The following TP63 variants were observed in gnomAD, a reference collection of about 807,000 sequenced individuals.
The protein encoded by TP63 is tumor protein 63.
TP63 carries 17 observed loss-of-function variants against 82.8 expected under a neutral mutation model. The ratio of observed to expected loss-of-function variants is 0.21; its 90% CI spans 0.14 to 0.31. TP63 has a LOEUF of 0.31. Ranked by LOEUF, TP63 falls within the 10% of genes least tolerant of loss-of-function variation. The pLI, the probability that TP63 is intolerant of heterozygous loss-of-function variation, is 1.00. For synonymous variants in TP63, 330 were observed against 321.7 expected (o/e 1.03, Z -0.28); for missense variants, 648 against 895.3 (o/e 0.72, Z 3.52).
intron 1 of TP63, among the ~76,000 whole-genome samples, chr3:189,649,982 C>A (rs1469360407): frequency 6.8e-6 from 1 of 146,256 alleles, no homozygotes; most frequent in Non-Finnish European, 1.5e-5. Flanking sequence ...ATGTATAGAC[C>A]AAGTTTAGGG....
intron 3 of TP63, among the ~76,000 whole-genome samples, chr3:189,742,929 T>C (rs1721105785): frequency 6.6e-6 from 1 of 152,256 alleles, no homozygotes. Context: ...TGAGTCAAAT[T>C]GATCAAAACA....
At chr3:189,890,644 GC>G (rs1320562861) in intron 12 of TP63, 144 bp from the exon 13 acceptor site, 2 of 695,658 alleles carry the variant, frequency 2.9e-6, no homozygotes, top group Non-Finnish European at 5.1e-6. Flanking sequence ...CAGACTTAAG[GC>G]CCACATATAT....
chr3:189,786,434 CA>C, intron 3 of TP63, among the ~76,000 whole-genome samples: 1 of 136,696 alleles, frequency 7.3e-6, no homozygotes, highest in East Asian at 2.1e-4. Flanking sequence ...TTTGAAAGAC[CA>C]GACATACCTA....
At chr3:189,724,033 CATT>C (rs1719590483) in intron 1 of TP63, among the ~76,000 whole-genome samples, 6 of 92,088 alleles carry the variant, frequency 6.5e-5, no homozygotes, top group South Asian at 3.3e-4. Context: ...TTTTTTGTCT[CATT>C]GTTGCAAATA....
intron 1 of TP63, among the ~76,000 whole-genome samples, chr3:189,654,927 G>A (rs183128582): frequency 1.9e-3 from 296 of 152,238 alleles, no homozygotes; most frequent in Non-Finnish European, 3.8e-3. Flanking sequence ...CAAATTTTAG[G>A]TTTTGCATTC....
chr3:189,779,593 G>A (rs967439640), intron 3 of TP63, among the ~76,000 whole-genome samples: 2 of 152,202 alleles, frequency 1.3e-5, no homozygotes, highest in African/African-American at 4.8e-5. Flanking sequence ...CCTGCACAAT[G>A]TTCAGGCATG....
intron 1 of TP63, among the ~76,000 whole-genome samples, chr3:189,712,364 C>A (rs534733600): frequency 6.6e-6 from 1 of 152,220 alleles, no homozygotes; most frequent in South Asian, 2.1e-4. Flanking sequence ...AAGTCTTAGT[C>A]CACTAGGAGT....
intron 3 of TP63, among the ~76,000 whole-genome samples, chr3:189,785,342 A>C (rs1405566457): frequency 1.3e-5 from 2 of 152,070 alleles, no homozygotes; most frequent in Non-Finnish European, 2.9e-5. Flanking sequence ...ATACTCACCG[A>C]GCTTTTGGAG....
At chr3:189,803,450 C>T (rs555624423) in intron 3 of TP63, among the ~76,000 whole-genome samples, 79 of 152,216 alleles carry the variant, frequency 5.2e-4, no homozygotes, top group African/African-American at 1.7e-3. Flanking sequence ...AAAATAATTA[C>T]GTCATCAACT....
At chr3:189,621,416 C>T in the TP63 span, among the ~76,000 whole-genome samples, 1 of 151,842 alleles carries the variant, frequency 6.6e-6, no homozygotes. Context: ...ATAAACTTGA[C>T]CAATAAATAT....
chr3:189,615,280 G>T, the TP63 span, among the ~76,000 whole-genome samples: 6 of 152,086 alleles, frequency 3.9e-5, no homozygotes, highest in African/African-American at 1.2e-4. Context: ...CTACCTGACT[G>T]CAGGAATGTG....
intron 1 of TP63, among the ~76,000 whole-genome samples, chr3:189,720,950 G>T (rs1216091652): frequency 2.0e-5 from 3 of 152,274 alleles, no homozygotes; most frequent in South Asian, 2.1e-4. Flanking sequence ...AGCTGGAGGG[G>T]TGAGGCCAGA....
intron 3 of TP63, among the ~76,000 whole-genome samples, chr3:189,771,506 TA>T (rs1333832473): frequency 1.8e-4 from 21 of 119,392 alleles, no homozygotes; most frequent in Non-Finnish European, 3.3e-4. Flanking sequence ...ATAAATATAT[TA>T]AATATATAAT....
chr3:189,700,382 G>A (rs1005161128), intron 1 of TP63, among the ~76,000 whole-genome samples: 2 of 152,156 alleles, frequency 1.3e-5, no homozygotes, highest in African/African-American at 4.8e-5. Flanking sequence ...GTCAGTCCCA[G>A]TGTTTGCTGT....
chr3:189,617,555 A>T, the TP63 span, among the ~76,000 whole-genome samples: 1 of 152,250 alleles, frequency 6.6e-6, no homozygotes, highest in Non-Finnish European at 1.5e-5. Context: ...GATTTTTCTG[A>T]GTTTTTTAGG....
At chr3:189,781,899 A>G (rs565510111) in intron 3 of TP63, among the ~76,000 whole-genome samples, 3 of 152,280 alleles carry the variant, frequency 2.0e-5, no homozygotes, top group African/African-American at 7.2e-5. Context: ...TAGTAAATCA[A>G]ATCTAGGTTA....
intron 4 of TP63, among the ~76,000 whole-genome samples, chr3:189,814,182 G>T (rs547465738): frequency 6.6e-6 from 1 of 152,196 alleles, no homozygotes; most frequent in East Asian, 1.9e-4. Flanking sequence ...TTAGAAAAAG[G>T]CTGCCAGCTC....
chr3:189,681,514 T>C (rs1715900130), intron 1 of TP63, among the ~76,000 whole-genome samples: 1 of 152,208 alleles, frequency 6.6e-6, no homozygotes, highest in African/African-American at 2.4e-5. Flanking sequence ...CTCATGAACT[T>C]AAATCCAACT....
chr3:189,607,285 T>C, the TP63 span, among the ~76,000 whole-genome samples: 1 of 152,260 alleles, frequency 6.6e-6, no homozygotes, highest in Non-Finnish European at 1.5e-5. Flanking sequence ...GTTTAGAGTC[T>C]ATAGTTTAGT....
Sources: allele counts gnomAD v4.1 joint callset (sites outside exome capture counted in the v4.1 genomes callset), GRCh38; gene constraint gnomAD v4.1.1; transcripts MANE v1.5; gene names NCBI Gene and HGNC (gene_info 2026-07-23, HGNC 2026-07-21).